Variants in DIS3L2 observed in about 807,000 individuals in gnomAD.
DIS3L2 encodes the protein DIS3 like 3'-5' exoribonuclease 2.
DIS3L2 carries 34 observed loss-of-function variants against 97.5 expected under a neutral mutation model. That is an observed-to-expected ratio of 0.35 (90% CI 0.27 to 0.46). The LOEUF is 0.46. DIS3L2 is among the 20% of genes least tolerant of loss of function. The probability of loss-of-function intolerance (pLI) is 1.00; values close to 1 mark genes in which losing one functional copy is unlikely to be tolerated. For synonymous variants in DIS3L2, 435 were observed against 445.2 expected, an observed-to-expected ratio of 0.98 and a Z score of 0.29; for missense variants, 1,038 against 1,146.0, an observed-to-expected ratio of 0.91 and a Z score of 1.36.
chr2:232,243,577 A>G (rs1693165645), intron 11 of DIS3L2, among the ~76,000 whole-genome samples: 2 of 152,220 alleles, frequency 1.3e-5, no homozygotes, highest in Admixed American at 1.3e-4. Flanking sequence ...ATGAGAGTTT[A>G]CCAATGTGGT....
intron 8 of DIS3L2, 31 bp from the exon 9 acceptor site, chr2:232,163,428 C>T: frequency 6.3e-7 from 1 of 1,598,540 alleles, no homozygotes; most frequent in Non-Finnish European, 8.5e-7. Context: ...TGTTTGCTAA[C>T]CCAGTTATTC....
chr2:232,002,844 C>T (rs887021026), intron 1 of DIS3L2, among the ~76,000 whole-genome samples: 7 of 152,204 alleles, frequency 4.6e-5, no homozygotes, highest in African/African-American at 1.7e-4. Flanking sequence ...CACAAATGAT[C>T]GTATGTGTGT....
intron 6 of DIS3L2, among the ~76,000 whole-genome samples, chr2:232,129,743 G>A (rs574863063): frequency 5.9e-5 from 9 of 152,288 alleles, no homozygotes; most frequent in African/African-American, 1.9e-4. Context: ...TTTGGCCTTG[G>A]CAACATCTAA....
chr2:232,013,236 T>C (rs963725062), intron 1 of DIS3L2, among the ~76,000 whole-genome samples: 4 of 152,232 alleles, frequency 2.6e-5, no homozygotes, highest in African/African-American at 9.6e-5. Context: ...CTGCTGCTAG[T>C]ATCTGTCAAG....
intron 1 of DIS3L2, among the ~76,000 whole-genome samples, chr2:232,012,781 C>G (rs1464121270): frequency 6.6e-6 from 1 of 152,094 alleles, no homozygotes; most frequent in Non-Finnish European, 1.5e-5. Context: ...GGATAATAGG[C>G]CTTCACAATG....
chr2:232,053,143 T>C (rs1695454434), intron 5 of DIS3L2, among the ~76,000 whole-genome samples: 1 of 152,218 alleles, frequency 6.6e-6, no homozygotes, highest in Non-Finnish European at 1.5e-5. Context: ...TGGTAACAGA[T>C]AAAAAGTCAG....
intron 13 of DIS3L2, among the ~76,000 whole-genome samples, chr2:232,270,969 A>G (rs1325928840): frequency 6.6e-6 from 1 of 150,760 alleles, no homozygotes; most frequent in African/African-American, 2.4e-5. Flanking sequence ...GGTCTCTGAA[A>G]TATCCCAGTG....
intron 6 of DIS3L2, among the ~76,000 whole-genome samples, chr2:232,115,603 G>A (rs756375611): frequency 6.6e-6 from 1 of 152,134 alleles, no homozygotes; most frequent in Non-Finnish European, 1.5e-5. Context: ...GCCATGTGTC[G>A]AGGGAGGGAG....
chr2:231,985,036 T>C (rs1330722916), intron 1 of DIS3L2, among the ~76,000 whole-genome samples: 1 of 152,244 alleles, frequency 6.6e-6, no homozygotes, highest in Non-Finnish European at 1.5e-5. Flanking sequence ...AGGTACAGTA[T>C]CACCATCAGG....
intron 3 of DIS3L2, among the ~76,000 whole-genome samples, chr2:232,021,411 G>C (rs1694507049): frequency 6.6e-6 from 1 of 152,030 alleles, no homozygotes; most frequent in Non-Finnish European, 1.5e-5. Context: ...ACCATAAGTA[G>C]ACAGAAGATT....
chr2:232,337,885 C>A (rs1696017208), downstream of DIS3L2, among the ~76,000 whole-genome samples: 1 of 151,494 alleles, frequency 6.6e-6, no homozygotes, highest in Admixed American at 6.6e-5. Flanking sequence ...AGACATCCCG[C>A]ACCTGCCCTG....
intron 1 of DIS3L2, among the ~76,000 whole-genome samples, chr2:231,973,572 A>G (rs1030338701): frequency 6.6e-6 from 1 of 152,190 alleles, no homozygotes; most frequent in Non-Finnish European, 1.5e-5. Context: ...TTTTATTTTT[A>G]TAGAGACAGG....
chr2:232,309,282 A>T lies in DIS3L2; in HGVS notation c.1739+9163A>T, dbSNP rs1312135612. ...TCTTTCTGCCTGTTTCCTCAGAACC[A>T]CTCCTGTCCCACTTGCGTCAGTTCA... is the stretch of plus-strand genomic sequence containing the variant. On this transcript the variant is annotated intron_variant, in intron 14 of 20. Transcript: ENST00000325385. 2.0e-5 allele frequency among the ~76,000 whole-genome samples: 3 copies of T among 151,774 alleles called. No homozygotes were observed. In the East Asian group the frequency reaches 5.8e-4, roughly 29 times the overall value.
intron 8 of DIS3L2, among the ~76,000 whole-genome samples, chr2:232,160,750 G>T (rs1413101119): frequency 6.6e-6 from 1 of 152,104 alleles, no homozygotes; most frequent in Non-Finnish European, 1.5e-5. Flanking sequence ...CAGCTACTCA[G>T]GAGGCTGAGG....
At chr2:232,141,391 G>A (rs1690034996) in intron 8 of DIS3L2, among the ~76,000 whole-genome samples, 1 of 152,164 alleles carries the variant, frequency 6.6e-6, no homozygotes, top group Non-Finnish European at 1.5e-5. Flanking sequence ...AAGGCTAGCT[G>A]AAGATATGTG....
intron 11 of DIS3L2, among the ~76,000 whole-genome samples, chr2:232,241,488 A>G (rs1224636498): frequency 6.6e-6 from 1 of 152,262 alleles, no homozygotes; most frequent in Non-Finnish European, 1.5e-5. Context: ...ATACAGTGTA[A>G]CAGGTCTTGG....
intron 13 of DIS3L2, 55 bp downstream of exon 13, chr2:232,263,495 G>C: frequency 1.2e-5 from 18 of 1,548,686 alleles, no homozygotes; most frequent in Non-Finnish European, 1.6e-5. Context: ...CCTGAACCCA[G>C]CGTGGATGAG....
At chr2:232,342,262 TAC>T (rs779284959) in intron 13 of DIS3L2, among the ~76,000 whole-genome samples, 6 of 145,974 alleles carry the variant, frequency 4.1e-5, no homozygotes, top group Non-Finnish European at 9.1e-5. Flanking sequence ...CATACACACA[TAC>T]ACATATACAT....
intron 9 of DIS3L2, among the ~76,000 whole-genome samples, chr2:232,166,164 C>T (rs376643622): frequency 5.3e-5 from 8 of 151,788 alleles, no homozygotes; most frequent in East Asian, 1.9e-4. Flanking sequence ...GAAGCTGGGG[C>T]GGGAGGATTG....
Sources: gnomAD v4.1 joint callset for allele counts (sites outside exome capture counted in the v4.1 genomes callset) on GRCh38, gnomAD v4.1.1 for gene constraint, MANE v1.5 for transcripts, NCBI Gene and HGNC (gene_info 2026-07-23, HGNC 2026-07-21) for gene names.